The following GLO1 variants were observed in gnomAD, a reference collection of about 807,000 sequenced individuals.
GLO1 encodes the protein lactoylglutathione lyase.
A neutral mutation model predicts 26.0 loss-of-function variants in GLO1; 28 were observed. The observed-to-expected ratio is 1.08, with a 90% confidence interval of 0.80 to 1.48. GLO1 has a LOEUF of 1.48. Ranked by LOEUF, GLO1 falls within the 40% of genes most tolerant of loss-of-function variation. The pLI, the probability that GLO1 is intolerant of heterozygous loss-of-function variation, is 0.00. For missense variants in GLO1, 225 were observed against 224.8 expected (o/e 1.00, Z -0.01); for synonymous variants, 78 against 77.6 (o/e 1.00, Z -0.03).
chr6:38,686,889 TACGTCATTCCAAGA>T lies in GLO1; in HGVS notation c.156_167+2del. ...TTAAGGTGCCAATAAGTACTTGACT[TACGTCATTCCAAGA>T]ACTCTAGTATAAAAATCCAGTGACT... On this transcript the variant is annotated splice_donor_variant and coding_sequence_variant, in exon 2 of 6. Transcript: ENST00000373365. LOFTEE classifies it high-confidence loss of function. 1 of 1,500,202 alleles carries T rather than the reference TACGTCATTCCAAGA, an allele frequency of 6.7e-7. No individual in the cohort carries two copies. The highest frequency in any genetic ancestry group is 1.1e-5 in the South Asian group (1 of 88,484). 92.9% of individuals were successfully genotyped at this position (1,500,202 alleles called of 1,614,324 possible). A position where few individuals can be genotyped will look rare whatever the true frequency, so the allele number is the denominator to read the frequency against.
intron 5 of GLO1, among the ~76,000 whole-genome samples, chr6:38,680,101 CAAA>C (rs1761348561): frequency 6.6e-6 from 1 of 152,072 alleles, no homozygotes; most frequent in Admixed American, 6.5e-5. Context: ...ACATCATATG[CAAA>C]AAGAAAATAG....
chr6:38,697,174 A>G (rs1562490921), intron 1 of GLO1, among the ~76,000 whole-genome samples: 1 of 152,114 alleles, frequency 6.6e-6, no homozygotes, highest in East Asian at 1.9e-4. Flanking sequence ...TGGTCTCCCA[A>G]AGTGCTGGGA....
chr6:38,693,120 A>G (rs73734417), intron 1 of GLO1, among the ~76,000 whole-genome samples: 17,410 of 152,034 alleles, frequency 0.11, 1,206 homozygotes, highest in Non-Finnish European at 0.15. Flanking sequence ...CTTCTTTTAC[A>G]TTTGGCAGAA....
At position 38,703,138 on chromosome 6, in the gene GLO1, C is replaced by A; in HGVS notation, c.-84G>T. Reference sequence around the variant, plus strand: ...ACGCCTCGGCCCTGTGCCGCCTTAACTAGGAATGGCGCGATGGCGCCGCGG... The same window carrying A: ...ACGCCTCGGCCCTGTGCCGCCTTAAATAGGAATGGCGCGATGGCGCCGCGG... On this transcript the variant is annotated 5_prime_UTR_variant, in exon 1 of 6. Coordinates refer to ENST00000373365, the MANE Select transcript of GLO1 (RefSeq NM_006708.3). 1.2e-6 allele frequency: 1 copy of A among 821,816 alleles called. No homozygotes were observed. Among genetic ancestry groups the A allele is most frequent in the Admixed American group, 2.8e-5 (1 of 35,230 alleles). The allele number at this position is 821,816 out of a possible 1,614,324, so 50.9% of individuals were successfully genotyped here.
At chr6:38,680,539 C>T (rs1038619015) in intron 5 of GLO1, among the ~76,000 whole-genome samples, 2 of 152,058 alleles carry the variant, frequency 1.3e-5, no homozygotes, top group African/African-American at 4.8e-5. Flanking sequence ...AAAAACAAAA[C>T]CCCTTTAAAG....
Position 38,677,257 on chromosome 6 carries a change from CCTTT to C in GLO1, c.*34_*37del. ...GTAAATATCTTGAATCACATTGTTT[CCTTT>C]CTTCTGAAATCTCAAAGGAGAATTC... On this transcript the variant is annotated 3_prime_UTR_variant, in exon 6 of 6. Coordinates refer to ENST00000373365, the MANE Select transcript of GLO1 (RefSeq NM_006708.3). 1 of 915,762 alleles carries C rather than the reference CCTTT, an allele frequency of 1.1e-6. No individual in the cohort carries two copies. Among genetic ancestry groups the C allele is most frequent in the African/African-American group, 1.6e-5 (1 of 61,732 alleles). 56.7% of individuals were successfully genotyped at this position (915,762 alleles called of 1,614,324 possible). A position where few individuals can be genotyped will look rare whatever the true frequency, so the allele number is the denominator to read the frequency against.
rs1355045513 is a variant in GLO1 at position 38,677,253 on chromosome 6, GT to G, written c.*41del. On this transcript the variant is annotated 3_prime_UTR_variant, in exon 6 of 6. Transcript: ENST00000373365. ...GTATGTAAATATCTTGAATCACATT[GT>G]TTCCTTTCTTCTGAAATCTCAAAGG... 3 of 895,122 alleles carry G rather than the reference GT, an allele frequency of 3.4e-6. No individual in the cohort carries two copies. The African/African-American group carries it at 4.9e-5, about 15-fold the overall frequency. The allele number at this position is 895,122 out of a possible 1,614,324, so 55.4% of individuals were successfully genotyped here. A position where few individuals can be genotyped will look rare whatever the true frequency, so the allele number is the denominator to read the frequency against.
At chr6:38,693,685 C>CTCTATATATATATATA (rs869232489) in intron 1 of GLO1, among the ~76,000 whole-genome samples, 4 of 86,438 alleles carry the variant, frequency 4.6e-5, no homozygotes, top group African/African-American at 1.3e-4. Context: ...CTCTCTCTCT[C>CTCTATATATATATATA]TATATATATA....
At chr6:38,685,139 G>GTT (rs1761443637) in intron 2 of GLO1, among the ~76,000 whole-genome samples, 1 of 152,212 alleles carries the variant, frequency 6.6e-6, no homozygotes, top group Non-Finnish European at 1.5e-5. Context: ...GCAGAGTGGG[G>GTT]AAGCATCAGC....
At chr6:38,687,117 C>G in intron 1 of GLO1, 143 bp from the exon 2 acceptor site, 2 of 1,423,354 alleles carry the variant, frequency 1.4e-6, no homozygotes, top group Non-Finnish European at 1.8e-6. Context: ...GTGGTATCTT[C>G]TGGTTGCAGG....
chr6:38,682,523 T>C (rs2127546167), intron 4 of GLO1, among the ~76,000 whole-genome samples: 1 of 152,108 alleles, frequency 6.6e-6, no homozygotes, highest in South Asian at 2.1e-4. Context: ...AAACTGGGAT[T>C]AGTATTAACT....
intron 5 of GLO1, among the ~76,000 whole-genome samples, chr6:38,678,892 C>T (rs1761318280): frequency 6.6e-6 from 1 of 152,114 alleles, no homozygotes; most frequent in Admixed American, 6.5e-5. Flanking sequence ...AATCTCTGGC[C>T]TAGGCTTATC....
At chr6:38,698,381 C>A (rs530937816) in intron 1 of GLO1, among the ~76,000 whole-genome samples, 1 of 150,396 alleles carries the variant, frequency 6.6e-6, no homozygotes, top group Admixed American at 6.6e-5. Flanking sequence ...CTTTCTACTG[C>A]ATTCAATTCC....
rs979296276 is a variant in GLO1 at position 38,693,691 on chromosome 6, A to C, written c.85-6717T>G. On this transcript the variant is annotated intron_variant, in intron 1 of 5. Coordinates refer to ENST00000373365, the MANE Select transcript of GLO1 (RefSeq NM_006708.3). ...TCTCTCTCTCTCTCTCTCTCTATAT[A>C]TATATATATATATATTTGTTTTGTT... Among the ~76,000 whole-genome samples the C allele has an allele frequency of 2.1e-3, 234 of 113,970 alleles. 4 individuals are homozygous for C. The highest frequency in any genetic ancestry group is 0.019 in the East Asian group (60 of 3,230). The allele number at this position is 113,970 out of a possible 152,430, so 74.8% of individuals were successfully genotyped here. A position where few individuals can be genotyped will look rare whatever the true frequency, so the allele number is the denominator to read the frequency against.
rs181387760 is a variant in GLO1, at chr6:38,700,419, A to T, written c.84+2552T>A. Among the ~76,000 whole-genome samples the T allele has an allele frequency of 1.5e-4, 23 of 152,336 alleles. 1 individual carries two copies. Among genetic ancestry groups the T allele is most frequent in the African/African-American group, 5.5e-4 (23 of 41,572 alleles). On this transcript the variant is annotated intron_variant, in intron 1 of 5. Coordinates refer to ENST00000373365, the MANE Select transcript of GLO1 (RefSeq NM_006708.3). Reference sequence around the variant, plus strand: ...ACATAATACATGTCATTTTATCCTCATAGCAGCTCTCTGAGATATCTTTAT... The same window carrying T: ...ACATAATACATGTCATTTTATCCTCTTAGCAGCTCTCTGAGATATCTTTAT...
At position 38,686,981 on chromosome 6, in the gene GLO1, A is replaced by G; in HGVS notation, c.85-7T>C. ...TCTGCTGCAATAGAAAATCCTATGG[A>G]AAAATATTTATATTAAACATCTTTC... On this transcript the variant is annotated splice_region_variant and splice_polypyrimidine_tract_variant and intron_variant, in intron 1 of 5. Transcript: ENST00000373365. 2 of 1,585,302 alleles carry G rather than the reference A, an allele frequency of 1.3e-6. No individual in the cohort carries two copies. The highest frequency in any genetic ancestry group is 2.7e-5 in the African/African-American group (2 of 74,026).
chr6:38,699,175 G>A (rs770237832), intron 1 of GLO1, among the ~76,000 whole-genome samples: 27 of 152,174 alleles, frequency 1.8e-4, no homozygotes, highest in African/African-American at 3.1e-4. Flanking sequence ...CAGGGACCCC[G>A]AATGGAGGGA....
At chr6:38,682,213 T>C (rs1027956817) in intron 4 of GLO1, 112 bp from the exon 5 acceptor site, 2 of 713,062 alleles carry the variant, frequency 2.8e-6, no homozygotes, top group South Asian at 3.2e-5. Context: ...CATAAGGCAC[T>C]TGGGAACAGA....
intron 1 of GLO1, among the ~76,000 whole-genome samples, chr6:38,694,255 A>T (rs1225732768): frequency 6.6e-6 from 1 of 152,210 alleles, no homozygotes; most frequent in African/African-American, 2.4e-5. Flanking sequence ...ACACTTGGAA[A>T]AAAAAAGGGG....
Sources: allele counts gnomAD v4.1 joint callset (sites outside exome capture counted in the v4.1 genomes callset), GRCh38; gene constraint gnomAD v4.1.1; transcripts MANE v1.5; gene names NCBI Gene and HGNC (gene_info 2026-07-23, HGNC 2026-07-21).